Variants in ENOX1 observed in about 807,000 individuals in gnomAD.
ENOX1 encodes the protein candidate growth-related and time keeping constitutive hydroquinone (NADH) oxidase.
A neutral mutation model predicts 82.5 loss-of-function variants in ENOX1; 42 were observed. That is an observed-to-expected ratio of 0.51 (90% CI 0.40 to 0.66). The LOEUF is 0.66. Among genes scored for constraint, ENOX1 ranks in the 30% least tolerant of loss-of-function variants. The pLI is 0.00. For synonymous variants in ENOX1, 271 were observed against 282.2 expected (o/e 0.96, Z 0.40); for missense variants, 608 against 811.6 (o/e 0.75, Z 3.05).
At chr13:43,733,998 G>C (rs1268423687) in intron 1 of ENOX1, among the ~76,000 whole-genome samples, 1 of 152,072 alleles carries the variant, frequency 6.6e-6, no homozygotes, top group Non-Finnish European at 1.5e-5. Flanking sequence ...GAAAGAAGAA[G>C]AGATACAGGC....
chr13:43,259,667 G>C (rs544048548), intron 14 of ENOX1, among the ~76,000 whole-genome samples: 5 of 152,180 alleles, frequency 3.3e-5, no homozygotes, highest in Admixed American at 1.3e-4. Context: ...GTAGAGACAG[G>C]GTTTCACCAT....
At chr13:43,272,824 C>T (rs557804978) in intron 12 of ENOX1, among the ~76,000 whole-genome samples, 2 of 152,244 alleles carry the variant, frequency 1.3e-5, no homozygotes, top group South Asian at 4.1e-4. Flanking sequence ...GGATGAAAAC[C>T]ACTGTATCCT....
intron 2 of ENOX1, among the ~76,000 whole-genome samples, chr13:43,554,991 T>G (rs960815329): frequency 6.6e-6 from 1 of 152,242 alleles, no homozygotes; most frequent in Non-Finnish European, 1.5e-5. Flanking sequence ...TTTAAAGACA[T>G]TCTAAAAATA....
At chr13:43,685,912 A>ACACT (rs1044644975) in intron 1 of ENOX1, among the ~76,000 whole-genome samples, 4 of 149,584 alleles carry the variant, frequency 2.7e-5, no homozygotes, top group Non-Finnish European at 5.9e-5. Context: ...ACACACACAC[A>ACACT]CTACATGGTT....
At chr13:43,250,671 T>G (rs994783606) in intron 14 of ENOX1, among the ~76,000 whole-genome samples, 1 of 152,210 alleles carries the variant, frequency 6.6e-6, no homozygotes, top group Non-Finnish European at 1.5e-5. Context: ...AGCCTCCTCC[T>G]CTTTTCATTT....
chr13:43,323,314 C>T (rs2047920888), intron 10 of ENOX1, among the ~76,000 whole-genome samples: 2 of 152,220 alleles, frequency 1.3e-5, no homozygotes, highest in Admixed American at 6.5e-5. Flanking sequence ...TTTAGAGCCA[C>T]AGATCTTAAG....
At chr13:43,771,460 T>G (rs532164089) in intron 1 of ENOX1, among the ~76,000 whole-genome samples, 20 of 151,464 alleles carry the variant, frequency 1.3e-4, no homozygotes, top group African/African-American at 4.7e-4. Context: ...ATGTTCTCTG[T>G]GACCTCTTTC....
intron 3 of ENOX1, chr13:43,458,552 C>A (rs963978312): frequency 6.6e-6 from 1 of 152,072 alleles, no homozygotes; most frequent in Non-Finnish European, 1.5e-5. Context: ...TTGAGAAAAT[C>A]ATTATATTGA....
intron 3 of ENOX1, among the ~76,000 whole-genome samples, chr13:43,437,219 A>C (rs1436302874): frequency 6.6e-6 from 1 of 152,140 alleles, no homozygotes; most frequent in African/African-American, 2.4e-5. Context: ...TTGTGAATCC[A>C]CCCCTGCAAG....
chr13:43,772,130 T>C (rs1951668495), intron 1 of ENOX1, among the ~76,000 whole-genome samples: 1 of 152,060 alleles, frequency 6.6e-6, no homozygotes, highest in Admixed American at 6.6e-5. Context: ...TAGGATAATT[T>C]CCATCAGTTC....
At chr13:43,487,023 T>C (rs2076448748) in intron 2 of ENOX1, among the ~76,000 whole-genome samples, 1 of 152,056 alleles carries the variant, frequency 6.6e-6, no homozygotes, top group African/African-American at 2.4e-5. Flanking sequence ...ATACAAAAAT[T>C]AGCCAGGTAT....
intron 1 of ENOX1, among the ~76,000 whole-genome samples, chr13:43,737,433 G>A (rs1435287005): frequency 6.6e-6 from 1 of 152,156 alleles, no homozygotes; most frequent in Non-Finnish European, 1.5e-5. Context: ...ACAAATGCTT[G>A]AATAGTCTGT....
rs374186033 is a variant in ENOX1 at position 43,607,020 on chromosome 13, T to C, written c.-219+60459A>G. The stretch of plus-strand genomic sequence containing the variant: ...GAGACCCTGTCTCAAAAAATACATA[T>C]ATATCCAGTATTTGACAGCACAATA... On this transcript the variant is annotated intron_variant, in intron 2 of 16. Transcript: ENST00000690772. 7.0e-4 allele frequency among the ~76,000 whole-genome samples: 107 copies of C among 152,096 alleles called. 1 individual carries two copies. In the South Asian group the frequency reaches 0.02, roughly 28 times the overall value.
chr13:43,684,271 A>G (rs2085953076), intron 1 of ENOX1, among the ~76,000 whole-genome samples: 1 of 152,172 alleles, frequency 6.6e-6, no homozygotes, highest in Non-Finnish European at 1.5e-5. Context: ...GGTAAGAGCA[A>G]TATGTCAGAA....
chr13:43,695,126 A>G (rs2153806026), intron 1 of ENOX1, among the ~76,000 whole-genome samples: 1 of 152,246 alleles, frequency 6.6e-6, no homozygotes, highest in East Asian at 1.9e-4. Context: ...GCACATCTAG[A>G]CTTCAATCTC....
chr13:43,345,430 A>T (rs1280205160), intron 8 of ENOX1, among the ~76,000 whole-genome samples: 4 of 152,122 alleles, frequency 2.6e-5, no homozygotes, highest in African/African-American at 9.7e-5. Flanking sequence ...GGCTATGGAG[A>T]GCCCATCTGA....
chr13:43,496,690 T>C (rs2076807163), intron 2 of ENOX1, among the ~76,000 whole-genome samples: 1 of 152,190 alleles, frequency 6.6e-6, no homozygotes, highest in Non-Finnish European at 1.5e-5. Context: ...CCTCCATTTC[T>C]TAATGAGCCT....
chr13:43,756,979 A>C (rs754691289), intron 1 of ENOX1, among the ~76,000 whole-genome samples: 11,389 of 149,822 alleles, frequency 0.076, 755 homozygotes, highest in African/African-American at 0.15. Flanking sequence ...CAACAAAAAA[A>C]AAAAAAAAAA....
At chr13:43,480,627 A>G (rs1340201492) in intron 3 of ENOX1, among the ~76,000 whole-genome samples, 2 of 152,234 alleles carry the variant, frequency 1.3e-5, no homozygotes, top group Non-Finnish European at 2.9e-5. Flanking sequence ...TTTCTTGAGA[A>G]AGACTTGAAA....
Sources: allele counts gnomAD v4.1 joint callset (sites outside exome capture counted in the v4.1 genomes callset), GRCh38; gene constraint gnomAD v4.1.1; transcripts MANE v1.5; gene names NCBI Gene and HGNC (gene_info 2026-07-23, HGNC 2026-07-21).